L3MBTL1: variants seen among roughly 807,000 people sequenced by gnomAD.
L3MBTL1 encodes the protein L3MBTL histone methyl-lysine binding protein 1, also known as lethal(3)malignant brain tumor-like protein 1.
In L3MBTL1, 75 loss-of-function variants were observed where a neutral mutation model predicts 105.3. The ratio of observed to expected loss-of-function variants is 0.71; its 90% CI spans 0.59 to 0.86. L3MBTL1 has a LOEUF of 0.86. L3MBTL1 is among the 40% of genes least tolerant of loss of function. L3MBTL1 has a pLI of 0.00. For missense variants in L3MBTL1, 1,069 were observed against 1,126.4 expected, an observed-to-expected ratio of 0.95 and a Z score of 0.73; for synonymous variants, 452 against 436.2, an observed-to-expected ratio of 1.04 and a Z score of -0.45.
chr20:43,511,244 C>T (rs1387058969), intron 1 of L3MBTL1, among the ~76,000 whole-genome samples: 1 of 152,168 alleles, frequency 6.6e-6, no homozygotes, highest in Admixed American at 6.6e-5. Context: ...TTAACAAGTT[C>T]AAGTTACTGA....
intron 7 of L3MBTL1, among the ~76,000 whole-genome samples, chr20:43,519,568 G>A (rs1600906978): frequency 6.6e-6 from 1 of 152,176 alleles, no homozygotes; most frequent in Non-Finnish European, 1.5e-5. Context: ...CCTGGGAGGC[G>A]GAGGATGCAG....
chr20:43,532,426 C>G (rs1357814917), intron 11 of L3MBTL1: 2 of 223,890 alleles, frequency 8.9e-6, no homozygotes, highest in African/African-American at 4.5e-5. Context: ...CCCACTGTTG[C>G]CACAACTGCC....
chr20:43,521,101 A>G (rs2018682940), intron 7 of L3MBTL1, among the ~76,000 whole-genome samples: 1 of 152,240 alleles, frequency 6.6e-6, no homozygotes, highest in Non-Finnish European at 1.5e-5. Flanking sequence ...CATAAGTATC[A>G]GGCTCTTGGT....
chr20:43,527,734 T>TG (rs1416902946), intron 7 of L3MBTL1, among the ~76,000 whole-genome samples: 1 of 152,028 alleles, frequency 6.6e-6, no homozygotes, highest in Non-Finnish European at 1.5e-5. Flanking sequence ...TTTTTTTTTT[T>TG]TTTGAGACAG....
At chr20:43,540,066 C>T (rs747579115) in intron 19 of L3MBTL1, 85 bp from the exon 20 acceptor site, 2 of 1,528,608 alleles carry the variant, frequency 1.3e-6, no homozygotes. Context: ...GCCAGCCAGT[C>T]TCCTGAGTGG....
chr20:43,540,381 C>T, intron 20 of L3MBTL1, 73 bp downstream of exon 20: 2 of 1,554,684 alleles, frequency 1.3e-6, no homozygotes, highest in Non-Finnish European at 1.8e-6. Context: ...GGTGGAAAGG[C>T]CCAGGTCAGG....
At chr20:43,519,240 G>C (rs1280257997) in intron 7 of L3MBTL1, among the ~76,000 whole-genome samples, 1 of 151,706 alleles carries the variant, frequency 6.6e-6, no homozygotes. Context: ...GGGAGGCTGA[G>C]GCTGGAGAAT....
chr20:43,514,468 T>G (rs1420801961), intron 3 of L3MBTL1, 167 bp from the exon 4 acceptor site: 12 of 1,505,106 alleles, frequency 8.0e-6, no homozygotes, highest in Middle Eastern at 1.8e-4. Flanking sequence ...TAGCCTGGAG[T>G]GAGGGTTTGG....
chr20:43,523,575 T>G (rs1377888069), intron 7 of L3MBTL1: 4 of 245,446 alleles, frequency 1.6e-5, no homozygotes, highest in Admixed American at 1.6e-4. Flanking sequence ...TGCGGCATTG[T>G]TCTCTTCTCA....
chr20:43,526,776 C>T (rs935628462), intron 7 of L3MBTL1, among the ~76,000 whole-genome samples: 1 of 152,144 alleles, frequency 6.6e-6, no homozygotes, highest in African/African-American at 2.4e-5. Flanking sequence ...CATGGTGAAA[C>T]CCCGTCTCTA....
Position 43,530,781 on chromosome 20 carries a change from C to G in L3MBTL1, c.1193-17C>G, listed in dbSNP as rs1376641205. The G allele has an allele frequency of 1.2e-6, 2 of 1,612,094 alleles. No homozygotes were observed. The highest frequency in any genetic ancestry group is 2.7e-5 in the African/African-American group (2 of 75,006). On this transcript the variant is annotated splice_polypyrimidine_tract_variant and intron_variant, in intron 10 of 21. Transcript: ENST00000418998. ...GCCTCTGCACGGCGCTCTGTTCATG[C>G]CCCTCGAGGGGCCTAGGTTACAAGG...
intron 7 of L3MBTL1, 36 bp downstream of exon 7, chr20:43,516,213 G>T (rs1302567365): frequency 2.0e-6 from 3 of 1,500,228 alleles, no homozygotes; most frequent in Non-Finnish European, 2.8e-6. Flanking sequence ...TTCGTGTGAG[G>T]TGTGTATATA....
chr20:43,520,195 G>C (rs1423996563), intron 7 of L3MBTL1, among the ~76,000 whole-genome samples: 1 of 152,140 alleles, frequency 6.6e-6, no homozygotes, highest in African/African-American at 2.4e-5. Flanking sequence ...TCTTCACTTA[G>C]CACAATGTTT....
Position 43,514,040 on chromosome 20 carries a change from G to C in L3MBTL1, c.339G>C (p.Pro113=). Residue 113 remains proline, a synonymous_variant, in exon 3 of 22, where the codon CCG becomes CCC. Coordinates refer to ENST00000418998, the MANE Select transcript of L3MBTL1 (RefSeq NM_001377303.1). ...RLLEWTEAAA[P]PPGGGLRFRI... ...TGGAATGGACAGAGGCCGCGGCCCC[G>C]CCCCCAGGGGGCGGCCTGCGGGTCA... The C allele has an allele frequency of 6.5e-7, 1 of 1,535,202 alleles. No homozygotes were observed. Among genetic ancestry groups the C allele is most frequent in the East Asian group, 2.4e-5 (1 of 40,880 alleles).
intron 1 of L3MBTL1, among the ~76,000 whole-genome samples, chr20:43,508,760 G>A (rs986929030): frequency 1.3e-5 from 2 of 152,234 alleles, no homozygotes; most frequent in African/African-American, 2.4e-5. Flanking sequence ...TCACCAGTAG[G>A]GGAATGACGG....
intron 7 of L3MBTL1, among the ~76,000 whole-genome samples, chr20:43,528,302 G>A (rs927943196): frequency 2.0e-5 from 3 of 152,072 alleles, no homozygotes; most frequent in Admixed American, 6.6e-5. Flanking sequence ...TTGTGATTAA[G>A]TTCTCTGGCA....
intron 7 of L3MBTL1, among the ~76,000 whole-genome samples, chr20:43,517,571 G>A (rs1568919195): frequency 6.6e-6 from 1 of 152,180 alleles, no homozygotes; most frequent in African/African-American, 2.4e-5. Flanking sequence ...CTTGGTTCTT[G>A]TATCTGTTTT....
intron 8 of L3MBTL1, 42 bp from the exon 9 acceptor site, chr20:43,529,222 G>T (rs372827787): frequency 6.0e-6 from 9 of 1,490,782 alleles, no homozygotes; most frequent in South Asian, 4.8e-5. Flanking sequence ...CAAGGATAAG[G>T]CTGGATGGAA....
downstream of L3MBTL1, among the ~76,000 whole-genome samples, chr20:43,544,129 C>A: frequency 6.6e-6 from 1 of 152,168 alleles, no homozygotes; most frequent in East Asian, 1.9e-4. Context: ...AACTGTGCAG[C>A]CAGATGTTTA....
Sources: gnomAD v4.1 joint callset for allele counts (sites outside exome capture counted in the v4.1 genomes callset) on GRCh38, gnomAD v4.1.1 for gene constraint, MANE v1.5 for transcripts, NCBI Gene and HGNC (gene_info 2026-07-23, HGNC 2026-07-21) for gene names.